Variants in CA3 observed in about 807,000 individuals in gnomAD.
The protein encoded by CA3 is carbonic anhydrase 3.
CA3 carries 30 observed loss-of-function variants against 35.7 expected under a neutral mutation model. The observed-to-expected ratio is 0.84, with a 90% confidence interval of 0.63 to 1.14. The LOEUF is 1.14. CA3 is among the 50% of genes most tolerant of loss of function. CA3 has a pLI of 0.00. For missense variants in CA3, 295 were observed against 328.5 expected, an observed-to-expected ratio of 0.90 and a Z score of 0.79; for synonymous variants, 131 against 130.8, an observed-to-expected ratio of 1.00 and a Z score of -0.01.
chr8:85,439,920 C>A lies in CA3; in HGVS notation c.232+11C>A, dbSNP rs1811185925. On this transcript the variant is annotated intron_variant, in intron 2 of 6. Transcript: ENST00000285381. ...CTTATGATAGGTCAAGTAAGTATGA[C>A]AATGAGGTAGAATCACATGGATGTT... is the stretch of plus-strand genomic sequence containing the variant. The A allele has an allele frequency of 6.3e-6, 10 of 1,593,618 alleles. No homozygotes were observed. Among genetic ancestry groups the A allele is most frequent in the South Asian group, 4.4e-5 (4 of 90,776 alleles).
intron 6 of CA3, among the ~76,000 whole-genome samples, 157 bp downstream of exon 6, chr8:85,446,454 T>C (rs1281407025): frequency 1.3e-5 from 2 of 152,244 alleles, no homozygotes; most frequent in African/African-American, 4.8e-5. Flanking sequence ...AACCAGCCTG[T>C]TCAGCTTTCT....
chr8:85,448,063 T>A lies in CA3; in HGVS notation c.693T>A (p.Ser231Arg). Residue 231 changes from serine to arginine, a missense_variant, in exon 7 of 7, where the codon AGT becomes AGA. Transcript: ENST00000285381. ...QMAKLRSLLS[S>R]AENEPPVPLV... ...CCAAGCTGCGGAGCCTCCTCTCCAG[T>A]GCTGAGAACGAGCCCCCAGTGCCTC... 6.2e-7 allele frequency: 1 copy of A among 1,613,410 alleles called. No individual in the cohort carries two copies.
At chr8:85,447,920 C>T (rs1359436198) in intron 6 of CA3, 114 bp from the exon 7 acceptor site, 2 of 1,008,868 alleles carry the variant, frequency 2.0e-6, no homozygotes, top group Non-Finnish European at 2.8e-6. Context: ...AACAAACAAA[C>T]AAACAAAAAA....
At chr8:85,445,868 T>A (rs996457763) in intron 5 of CA3, among the ~76,000 whole-genome samples, 5 of 152,198 alleles carry the variant, frequency 3.3e-5, no homozygotes, top group Admixed American at 6.5e-5. Context: ...GTTTCTCCTT[T>A]TTCTTGAGTG....
intron 6 of CA3, among the ~76,000 whole-genome samples, chr8:85,447,179 T>G (rs1373726882): frequency 1.3e-5 from 2 of 152,024 alleles, no homozygotes; most frequent in East Asian, 3.8e-4. Context: ...AGGAGAAATC[T>G]AAAAATATTT....
At chr8:85,440,197 C>CA (rs1811188608) in intron 2 of CA3, among the ~76,000 whole-genome samples, 1 of 152,166 alleles carries the variant, frequency 6.6e-6, no homozygotes, top group South Asian at 2.1e-4. Flanking sequence ...ACAATAAACT[C>CA]AAATGAGTAT....
intron 1 of CA3, 35 bp downstream of exon 1, chr8:85,438,978 G>A (rs1469461336): frequency 4.5e-6 from 7 of 1,550,322 alleles, no homozygotes; most frequent in Non-Finnish European, 6.1e-6. Context: ...GCCAGGAAGG[G>A]ATGCCAGTCC....
At chr8:85,443,931 C>T (rs1811241300) in intron 3 of CA3, 103 bp from the exon 4 acceptor site, 2 of 821,446 alleles carry the variant, frequency 2.4e-6, no homozygotes, top group Admixed American at 2.2e-5. Context: ...TGAGAGTGCT[C>T]AGCAACCTTA....
Position 85,445,232 on chromosome 8 carries a change from AT to A in CA3, c.507+18del. 2.6e-6 allele frequency: 4 copies of A among 1,541,760 alleles called. No homozygotes were observed. The highest frequency in any genetic ancestry group is 3.7e-5 in the Admixed American group (2 of 54,190). On this transcript the variant is annotated intron_variant, in intron 5 of 6. Coordinates refer to ENST00000285381, the MANE Select transcript of CA3 (RefSeq NM_005181.4). ...ATTAAGACAAAGGTAAACAAAAATC[AT>A]TTTCCCTCCTAAAACATAAAGCAGA...
chr8:85,446,401 A>T, intron 6 of CA3, 104 bp downstream of exon 6: 1 of 1,278,294 alleles, frequency 7.8e-7, no homozygotes, highest in Non-Finnish European at 1.1e-6. Context: ...CTCACTGAAC[A>T]GCTCTATGGC....
Position 85,442,167 on chromosome 8 carries a change from G to A in CA3, c.327G>A (p.Val109=). 4 of 1,599,668 alleles carry A rather than the reference G, an allele frequency of 2.5e-6. No homozygotes were observed. The highest frequency in any genetic ancestry group is 3.4e-6 in the Non-Finnish European group (4 of 1,166,864). The change falls in exon 3 of 7, where the codon GTG becomes GTA. Residue 109 remains valine (V), a synonymous_variant. Coordinates refer to ENST00000285381, the MANE Select transcript of CA3 (RefSeq NM_005181.4). ...ATGATCATGGCTCTGAGCACACCGT[G>A]GATGGAGTCAAGTATGCAGCGGAGG... ...SSDDHGSEHT[V]DGVKYAAELH...
At chr8:85,441,592 G>A (rs1242899852) in intron 2 of CA3, among the ~76,000 whole-genome samples, 1 of 152,200 alleles carries the variant, frequency 6.6e-6, no homozygotes, top group Non-Finnish European at 1.5e-5. Context: ...CAGCAGCTCT[G>A]AAAGTTTGGT....
rs1374481374 is a variant in CA3 at position 85,448,202 on chromosome 8, G to A, written c.*49G>A. On this transcript the variant is annotated 3_prime_UTR_variant, in exon 7 of 7. Transcript: ENST00000285381. ...AGGAAAGGAAACCTACCATTGGAGA[G>A]CTTGGTTCCTTGCCTCCTTCTGGTG... The A allele has an allele frequency of 1.3e-6, 2 of 1,565,972 alleles. No individual in the cohort carries two copies. Among genetic ancestry groups the A allele is most frequent in the Non-Finnish European group, 1.7e-6 (2 of 1,156,292 alleles).
At chr8:85,443,401 T>C (rs974634521) in intron 3 of CA3, among the ~76,000 whole-genome samples, 2 of 152,218 alleles carry the variant, frequency 1.3e-5, no homozygotes, top group African/African-American at 4.8e-5. Context: ...TGACAGAAGC[T>C]CAGAAACACA....
chr8:85,444,121 C>T lies in CA3; in HGVS notation c.439C>T (p.Leu147=), dbSNP rs2130505492. 6.2e-7 allele frequency: 1 copy of T among 1,604,450 alleles called. No individual in the cohort carries two copies. The highest frequency in any genetic ancestry group is 1.1e-5 in the South Asian group (1 of 90,824). ...TGGGATCGCTGTGATTGGCATTTTTCTGAAGGTAAAGTAAAAATTGACTAT... is the reference window on the plus strand; with the variant it reads ...TGGGATCGCTGTGATTGGCATTTTTTTGAAGGTAAAGTAAAAATTGACTAT... ...RDGIAVIGIF[L]KIGHENGEFQ... The change falls in exon 4 of 7, where the codon CTG becomes TTG. Residue 147 remains leucine (L), a synonymous_variant. Coordinates refer to ENST00000285381, the MANE Select transcript of CA3 (RefSeq NM_005181.4).
At chr8:85,439,571 GTC>G in intron 1 of CA3, 139 bp from the exon 2 acceptor site, 1 of 608,214 alleles carries the variant, frequency 1.6e-6, no homozygotes, top group Non-Finnish European at 2.9e-6. Flanking sequence ...TGAATGCTAA[GTC>G]TCTTATTGCC....
Position 85,448,231 on chromosome 8 carries a change from C to G in CA3, c.*78C>G, listed in dbSNP as rs200950601. On this transcript the variant is annotated 3_prime_UTR_variant, in exon 7 of 7. Coordinates refer to ENST00000285381, the MANE Select transcript of CA3 (RefSeq NM_005181.4). ...GGTTCCTTGCCTCCTTCTGGTGCTC[C>G]TTACTCCAAGTCTATTTCATTTTTC... is the stretch of plus-strand genomic sequence containing the variant. 2.8e-6 allele frequency: 3 copies of G among 1,083,240 alleles called. No homozygotes were observed. Among genetic ancestry groups the G allele is most frequent in the Non-Finnish European group, 3.7e-6 (3 of 815,252 alleles). The allele number at this position is 1,083,240 out of a possible 1,614,324, so 67.1% of individuals were successfully genotyped here.
chr8:85,448,038 C>T lies in CA3; in HGVS notation c.668C>T (p.Ala223Val). The T allele has an allele frequency of 6.2e-7, 1 of 1,610,536 alleles. No individual in the cohort carries two copies. The highest frequency in any genetic ancestry group is 1.3e-5 in the African/African-American group (1 of 74,994). The change falls in exon 7 of 7, where the codon GCC (alanine) becomes GTC (valine). Residue 223 changes from alanine (A) to valine (V), a missense_variant. Coordinates refer to ENST00000285381, the MANE Select transcript of CA3 (RefSeq NM_005181.4). ...EPMTVSSDQM[A>V]KLRSLLSSAE... The stretch of plus-strand genomic sequence containing the variant: ...GTCTGCCCCTGCCCTTTGCAGATGG[C>T]CAAGCTGCGGAGCCTCCTCTCCAGT...
chr8:85,439,550 C>G (rs1436963083), intron 1 of CA3, among the ~76,000 whole-genome samples, 162 bp from the exon 2 acceptor site: 3 of 152,218 alleles, frequency 2.0e-5, no homozygotes, highest in Non-Finnish European at 4.4e-5. Context: ...AAACTACCAA[C>G]AGGCCTGAAA....
Sources: allele counts gnomAD v4.1 joint callset (sites outside exome capture counted in the v4.1 genomes callset), GRCh38; gene constraint gnomAD v4.1.1; transcripts MANE v1.5; gene names NCBI Gene and HGNC (gene_info 2026-07-23, HGNC 2026-07-21).